XKR4: variants seen among roughly 807,000 people sequenced by gnomAD.
XKR4 encodes the protein XK-related protein 4.
In XKR4, 12 loss-of-function variants were observed where a neutral mutation model predicts 53.9. The observed-to-expected ratio is 0.22, with a 90% confidence interval of 0.14 to 0.36. XKR4 has a LOEUF of 0.36. Ranked by LOEUF, XKR4 falls within the 10% of genes least tolerant of loss-of-function variation. The pLI, the probability that XKR4 is intolerant of heterozygous loss-of-function variation, is 1.00. For missense variants in XKR4, 799 were observed against 859.5 expected (o/e 0.93, Z 0.88); for synonymous variants, 354 against 362.4 (o/e 0.98, Z 0.26).
intron 1 of XKR4, among the ~76,000 whole-genome samples, chr8:55,348,615 GGAA>G (rs1268233831): frequency 6.6e-6 from 1 of 151,602 alleles, no homozygotes; most frequent in Non-Finnish European, 1.5e-5. Context: ...ATACAATCCA[GGAA>G]GGACCTGGAT....
At chr8:55,463,724 G>A (rs140342296) in intron 2 of XKR4, among the ~76,000 whole-genome samples, 11,082 of 151,822 alleles carry the variant, frequency 0.073, 490 homozygotes, top group Middle Eastern at 0.11. Flanking sequence ...TTGATAGACC[G>A]CTAGCAAGAC....
chr8:55,140,409 C>T (rs542013818), intron 1 of XKR4, among the ~76,000 whole-genome samples: 1 of 152,312 alleles, frequency 6.6e-6, no homozygotes, highest in African/African-American at 2.4e-5. Flanking sequence ...CTTCATTTTG[C>T]TCATGACAAG....
At chr8:55,263,480 C>T (rs1818556598) in intron 1 of XKR4, among the ~76,000 whole-genome samples, 1 of 152,172 alleles carries the variant, frequency 6.6e-6, no homozygotes, top group Non-Finnish European at 1.5e-5. Flanking sequence ...GTATGCTCTT[C>T]TAGGGATAAA....
chr8:55,113,938 C>T (rs1172482196), intron 1 of XKR4, among the ~76,000 whole-genome samples: 2 of 152,116 alleles, frequency 1.3e-5, no homozygotes, highest in Non-Finnish European at 2.9e-5. Flanking sequence ...TATTCCATGG[C>T]ATCTATGTAT....
At chr8:55,181,934 A>G (rs2129359853) in intron 1 of XKR4, among the ~76,000 whole-genome samples, 1 of 152,236 alleles carries the variant, frequency 6.6e-6, no homozygotes, top group South Asian at 2.1e-4. Flanking sequence ...TGTTATTAAA[A>G]TATTTGTTTT....
At chr8:55,141,384 C>T (rs10958443) in intron 1 of XKR4, among the ~76,000 whole-genome samples, 77,357 of 151,700 alleles carry the variant, frequency 0.51, 21,216 homozygotes, top group South Asian at 0.7. Context: ...CTGTGGGCCA[C>T]AGTGGGGAGG....
chr8:55,482,092 C>T (rs1806117981), intron 2 of XKR4, among the ~76,000 whole-genome samples: 1 of 152,150 alleles, frequency 6.6e-6, no homozygotes, highest in African/African-American at 2.4e-5. Context: ...AAGACACATG[C>T]ACACGTATGT....
chr8:55,129,952 C>T (rs1816531616), intron 1 of XKR4, among the ~76,000 whole-genome samples: 1 of 152,024 alleles, frequency 6.6e-6, no homozygotes, highest in Admixed American at 6.6e-5. Flanking sequence ...GATTGCTGTC[C>T]ATCTGGTCAC....
intron 2 of XKR4, among the ~76,000 whole-genome samples, chr8:55,514,248 C>CTTT (rs71256544): frequency 1.6e-4 from 17 of 108,870 alleles, no homozygotes; most frequent in Non-Finnish European, 1.9e-4. Flanking sequence ...TGCTGGGATT[C>CTTT]TTTTTTTTTT....
intron 1 of XKR4, among the ~76,000 whole-genome samples, chr8:55,213,749 A>G (rs1035996006): frequency 2.6e-5 from 4 of 151,982 alleles, no homozygotes; most frequent in Admixed American, 6.6e-5. Context: ...AGATGGACTC[A>G]GGTCAGATCT....
chr8:55,451,201 C>T (rs964914578), intron 2 of XKR4: 1 of 559,174 alleles, frequency 1.8e-6, no homozygotes, highest in Non-Finnish European at 3.2e-6. Flanking sequence ...GCCATCGCCT[C>T]TCTGCCAGCT....
At chr8:55,178,303 G>A (rs970040147) in intron 1 of XKR4, among the ~76,000 whole-genome samples, 1 of 152,104 alleles carries the variant, frequency 6.6e-6, no homozygotes. Context: ...AGTGAGCTTT[G>A]AAGACCAGCT....
At chr8:55,389,855 G>A (rs949577527) in intron 2 of XKR4, among the ~76,000 whole-genome samples, 10 of 152,128 alleles carry the variant, frequency 6.6e-5, no homozygotes, top group African/African-American at 1.4e-4. Context: ...AAACACATCC[G>A]TGTCCTCAGG....
chr8:55,358,917 G>A (rs1803859933), intron 2 of XKR4, among the ~76,000 whole-genome samples: 1 of 152,200 alleles, frequency 6.6e-6, no homozygotes, highest in South Asian at 2.1e-4. Flanking sequence ...TTTAAGCTGA[G>A]TGCTTTAATT....
intron 2 of XKR4, chr8:55,453,937 GA>G: frequency 1.5e-6 from 1 of 665,198 alleles, no homozygotes; most frequent in East Asian, 3.5e-5. Context: ...CATTCATCAG[GA>G]AATCGTCCTC....
At chr8:55,500,039 G>A (rs1362147982) in intron 2 of XKR4, among the ~76,000 whole-genome samples, 1 of 152,052 alleles carries the variant, frequency 6.6e-6, no homozygotes, top group Non-Finnish European at 1.5e-5. Context: ...CTTCTCTAGA[G>A]CTTGAGAGCA....
At chr8:55,320,060 C>A (rs1265863450) in intron 1 of XKR4, among the ~76,000 whole-genome samples, 2 of 152,190 alleles carry the variant, frequency 1.3e-5, no homozygotes, top group East Asian at 3.8e-4. Flanking sequence ...ATTTTTCTTG[C>A]ACCATCTCTT....
chr8:55,462,205 TG>T (rs1272895207), intron 2 of XKR4, among the ~76,000 whole-genome samples: 1 of 151,882 alleles, frequency 6.6e-6, no homozygotes. Flanking sequence ...AAGGAAAAAA[TG>T]TTAAGGGCAG....
intron 2 of XKR4, among the ~76,000 whole-genome samples, chr8:55,475,858 C>A (rs1270695417): frequency 2.0e-5 from 3 of 151,974 alleles, no homozygotes; most frequent in Admixed American, 2.0e-4. Context: ...TCCTCAGCCT[C>A]CCAAAGTGCT....
Sources: allele counts gnomAD v4.1 joint callset (sites outside exome capture counted in the v4.1 genomes callset), GRCh38; gene constraint gnomAD v4.1.1; transcripts MANE v1.5; gene names NCBI Gene and HGNC (gene_info 2026-07-23, HGNC 2026-07-21).